SLC14A2: variants seen among roughly 807,000 people sequenced by gnomAD.
The protein encoded by SLC14A2 is solute carrier family 14 member 2.
Under a neutral mutation model 104.6 loss-of-function variants are expected in SLC14A2, and 91 were observed. That is an observed-to-expected ratio of 0.87 (90% CI 0.73 to 1.04). The LOEUF (loss-of-function observed/expected upper bound fraction) is 1.04, where lower values mean the gene tolerates loss of function less well. Ranked by LOEUF, SLC14A2 falls within the 50% of genes least tolerant of loss-of-function variation. The pLI is 0.00. For missense variants in SLC14A2, 1,189 were observed against 1,156.0 expected (o/e 1.03, Z -0.41); for synonymous variants, 476 against 466.4 (o/e 1.02, Z -0.27).
intron 2 of SLC14A2, among the ~76,000 whole-genome samples, chr18:45,485,985 A>AG: frequency 6.6e-6 from 1 of 151,752 alleles, no homozygotes; most frequent in Non-Finnish European, 1.5e-5. Context: ...TGTCAAATCA[A>AG]GTGGATGATG....
intron 6 of SLC14A2, among the ~76,000 whole-genome samples, chr18:45,638,229 G>T (rs1418057789): frequency 6.6e-6 from 1 of 152,070 alleles, no homozygotes; most frequent in African/African-American, 2.4e-5. Flanking sequence ...AGTGTTTTCT[G>T]GGTTTCTATA....
At chr18:45,190,240 A>G in the SLC14A2 span, among the ~76,000 whole-genome samples, 1 of 152,226 alleles carries the variant, frequency 6.6e-6, no homozygotes, top group East Asian at 1.9e-4. Flanking sequence ...TATCTCTACA[A>G]TCTCTTCCTT....
intron 1 of SLC14A2, among the ~76,000 whole-genome samples, chr18:45,377,947 A>G (rs1369568564): frequency 6.6e-6 from 1 of 152,102 alleles, no homozygotes; most frequent in Non-Finnish European, 1.5e-5. Flanking sequence ...ACAAATTCCC[A>G]TTTCTGTGGC....
Position 45,673,666 on chromosome 18 carries a change from C to T in SLC14A2, c.2378-17C>T. 3.1e-6 allele frequency: 5 copies of T among 1,612,490 alleles called. No homozygotes were observed. In the African/African-American group the frequency reaches 4.0e-5, roughly 13 times the overall value. On this transcript the variant is annotated splice_polypyrimidine_tract_variant and intron_variant, in intron 17 of 19. Coordinates refer to ENST00000255226, the MANE Select transcript of SLC14A2 (RefSeq NM_007163.4). ...TAAGACCCTAGACCCAACCCTGATG[C>T]CTGCCTTCTGTCACAGCACTCACTA... is the stretch of plus-strand genomic sequence containing the variant.
At chr18:45,272,986 T>C (rs1173396839) in intron 1 of SLC14A2, among the ~76,000 whole-genome samples, 2 of 152,142 alleles carry the variant, frequency 1.3e-5, no homozygotes, top group African/African-American at 4.8e-5. Context: ...TACACTGCTA[T>C]ATCCATCAGG....
At chr18:45,475,373 G>C (rs55814507) in intron 1 of SLC14A2, among the ~76,000 whole-genome samples, 62,444 of 151,132 alleles carry the variant, frequency 0.41, 13,028 homozygotes, top group East Asian at 0.56. Context: ...GAGTTCTTTA[G>C]ATGTCTGCTT....
intron 2 of SLC14A2, among the ~76,000 whole-genome samples, chr18:45,568,403 T>C (rs1243222655): frequency 6.6e-6 from 1 of 152,252 alleles, no homozygotes; most frequent in Admixed American, 6.5e-5. Flanking sequence ...TCAGGGGACG[T>C]GCTGTCTAGC....
At chr18:45,224,734 T>C (rs936570526) in intron 1 of SLC14A2, among the ~76,000 whole-genome samples, 1 of 152,192 alleles carries the variant, frequency 6.6e-6, no homozygotes, top group Non-Finnish European at 1.5e-5. Context: ...TTGTGGAAAT[T>C]AGTTAGCTTG....
chr18:45,267,517 G>C (rs2084604542), intron 1 of SLC14A2, among the ~76,000 whole-genome samples: 1 of 152,118 alleles, frequency 6.6e-6, no homozygotes, highest in African/African-American at 2.4e-5. Context: ...CACATCAATA[G>C]GCAATCATTT....
intron 1 of SLC14A2, among the ~76,000 whole-genome samples, chr18:45,474,746 T>G (rs184619198): frequency 6.6e-6 from 1 of 152,268 alleles, no homozygotes. Flanking sequence ...TTTTTTATTG[T>G]GTCTATTTGA....
At chr18:45,427,267 A>G (rs552751555) in intron 1 of SLC14A2, among the ~76,000 whole-genome samples, 2,570 of 61,654 alleles carry the variant, frequency 0.042, 32 homozygotes, top group South Asian at 0.14. Flanking sequence ...AAAGAAAGGG[A>G]AAAAAAAAAG....
chr18:45,558,356 C>T (rs746548564), intron 2 of SLC14A2, among the ~76,000 whole-genome samples: 1 of 152,172 alleles, frequency 6.6e-6, no homozygotes, highest in Non-Finnish European at 1.5e-5. Flanking sequence ...GTGAGTCTGG[C>T]TCATCACACT....
At chr18:45,195,933 G>T in the SLC14A2 span, among the ~76,000 whole-genome samples, 5 of 152,058 alleles carry the variant, frequency 3.3e-5, no homozygotes, top group Admixed American at 6.6e-5. Flanking sequence ...TCGTGAATCG[G>T]GCAGCCTCCC....
chr18:45,448,359 C>A (rs2086804352), intron 1 of SLC14A2, among the ~76,000 whole-genome samples: 1 of 152,152 alleles, frequency 6.6e-6, no homozygotes, highest in African/African-American at 2.4e-5. Context: ...CAAACCATGA[C>A]AGTTTGTACA....
chr18:45,195,783 AAATAT>A, the SLC14A2 span, among the ~76,000 whole-genome samples: 148 of 152,300 alleles, frequency 9.7e-4, 1 homozygote, highest in East Asian at 0.018. Context: ...ACATCTCTTA[AAATAT>A]AATAGAATAG....
chr18:45,673,586 C>G, intron 17 of SLC14A2, 97 bp from the exon 18 acceptor site: 1 of 1,359,712 alleles, frequency 7.4e-7, no homozygotes, highest in Non-Finnish European at 1.0e-6. Context: ...AAGAAGATAA[C>G]TGGCTCCGGG....
intron 2 of SLC14A2, among the ~76,000 whole-genome samples, chr18:45,552,871 A>C (rs2144287448): frequency 6.6e-6 from 1 of 152,358 alleles, no homozygotes; most frequent in African/African-American, 2.4e-5. Context: ...CCAGAGCATG[A>C]GGCCATGGCA....
At chr18:45,220,437 G>T (rs150436049) in intron 1 of SLC14A2, among the ~76,000 whole-genome samples, 35 of 152,282 alleles carry the variant, frequency 2.3e-4, no homozygotes, top group South Asian at 6.2e-4. Flanking sequence ...AAGGGGAAAA[G>T]GTGTTTAGCA....
intron 1 of SLC14A2, among the ~76,000 whole-genome samples, chr18:45,284,730 G>C (rs912073617): frequency 6.6e-5 from 10 of 152,194 alleles, no homozygotes; most frequent in Non-Finnish European, 1.0e-4. Flanking sequence ...GGAAAGAACA[G>C]AAAGGGCTGG....
Sources: gnomAD v4.1 joint callset for allele counts (sites outside exome capture counted in the v4.1 genomes callset) on GRCh38, gnomAD v4.1.1 for gene constraint, MANE v1.5 for transcripts, NCBI Gene and HGNC (gene_info 2026-07-23, HGNC 2026-07-21) for gene names.